The following SPAG9 variants were observed in gnomAD, a reference collection of about 807,000 sequenced individuals.
SPAG9 encodes sperm associated antigen 9.
In SPAG9, 35 loss-of-function variants were observed where a neutral mutation model predicts 166.5. The observed-to-expected ratio is 0.21, with a 90% CI of 0.16 to 0.28. The LOEUF (loss-of-function observed/expected upper bound fraction) is 0.28, where lower values mean the gene tolerates loss of function less well. Ranked by LOEUF, SPAG9 falls within the 10% of genes least tolerant of loss-of-function variation. SPAG9 has a pLI of 1.00. For missense variants in SPAG9, 1,235 were observed against 1,603.3 expected (o/e 0.77, Z 3.92); for synonymous variants, 534 against 565.5 (o/e 0.94, Z 0.79).
intron 2 of SPAG9, among the ~76,000 whole-genome samples, chr17:51,077,033 T>TATCTAGCTAGCTATCTAGCTATCTAG (rs1568065402): frequency 1.1e-5 from 1 of 94,488 alleles, no homozygotes; most frequent in East Asian, 2.8e-4. Flanking sequence ...TAGCTATCTA[T>TATCTAGCTAGCTATCTAGCTATCTAG]CTAGCTATCT....
chr17:50,992,236 T>G (rs1975639465), intron 19 of SPAG9, among the ~76,000 whole-genome samples: 1 of 152,148 alleles, frequency 6.6e-6, no homozygotes, highest in South Asian at 2.1e-4. Flanking sequence ...TATGTTTTTA[T>G]GAATGTGCCT....
chr17:51,090,727 G>A (rs2048442061), intron 1 of SPAG9, among the ~76,000 whole-genome samples: 1 of 152,144 alleles, frequency 6.6e-6, no homozygotes, highest in African/African-American at 2.4e-5. Context: ...TCACCTAATT[G>A]AGGTTAAGGC....
In SPAG9 at chr17:50,993,770, C is replaced by T; in HGVS notation, c.2392G>A (p.Val798Met). The T allele has an allele frequency of 6.2e-7, 1 of 1,613,904 alleles. No homozygotes were observed. The highest frequency in any genetic ancestry group is 8.5e-7 in the Non-Finnish European group (1 of 1,179,826). ...CNSHVLCIAS[V>M]PGARETDYPA... ...ACGCATGACTCACTCTTACCTGGCA[C>T]ACTTGCAATGCACAGAACATGAGAG... Residue 798 changes from valine (V) to methionine (M), a missense_variant, in exon 19 of 30, where the codon GTG (valine) becomes ATG (methionine). By Grantham distance (21) the Val-to-Met change is conservative (BLOSUM62 1). Transcript: ENST00000262013.
intron 1 of SPAG9, among the ~76,000 whole-genome samples, chr17:51,105,909 T>C (rs1321020599): frequency 6.6e-6 from 1 of 151,550 alleles, no homozygotes; most frequent in Non-Finnish European, 1.5e-5. Context: ...GCTTAACCTT[T>C]ATTAACTTGT....
At chr17:51,096,038 G>GATATATATATATAGTGAT (rs1555659855) in intron 1 of SPAG9, among the ~76,000 whole-genome samples, 1,710 of 92,408 alleles carry the variant, frequency 0.019, 91 homozygotes, top group Non-Finnish European at 0.027. Flanking sequence ...TATATATAGT[G>GATATATATATATAGTGAT]ATATATATAT....
chr17:51,090,207 A>G (rs1568078058), intron 1 of SPAG9, among the ~76,000 whole-genome samples: 1 of 152,142 alleles, frequency 6.6e-6, no homozygotes, highest in Non-Finnish European at 1.5e-5. Context: ...CTGATTCACA[A>G]AGCGAGTAAA....
chr17:51,013,790 A>C (rs2045585358), intron 9 of SPAG9, among the ~76,000 whole-genome samples: 1 of 152,232 alleles, frequency 6.6e-6, no homozygotes, highest in Non-Finnish European at 1.5e-5. Context: ...GAGAAAACTT[A>C]GAAAAATCAA....
At chr17:51,001,941 T>G (rs2044971022) in intron 12 of SPAG9, 96 bp from the exon 13 acceptor site, 2 of 1,173,888 alleles carry the variant, frequency 1.7e-6, no homozygotes, top group African/African-American at 1.6e-5. Flanking sequence ...TTTTAAGCAT[T>G]CCTTAATTTT....
chr17:51,048,851 T>A (rs1171677272), intron 3 of SPAG9, among the ~76,000 whole-genome samples: 1 of 152,162 alleles, frequency 6.6e-6, no homozygotes, highest in African/African-American at 2.4e-5. Context: ...ATCACATGAA[T>A]ATAGTATCTT....
intron 2 of SPAG9, among the ~76,000 whole-genome samples, chr17:51,074,808 A>G (rs1440980010): frequency 6.6e-6 from 1 of 152,162 alleles, no homozygotes; most frequent in Non-Finnish European, 1.5e-5. Context: ...ATTCCAAAAA[A>G]GGTATGACTC....
Position 50,966,214 on chromosome 17 carries a change from G to C in SPAG9, c.*58C>G. 2.0e-6 allele frequency: 2 copies of C among 1,011,880 alleles called. No individual in the cohort carries two copies. Among genetic ancestry groups the C allele is most frequent in the South Asian group, 2.5e-5 (2 of 79,040 alleles). 62.7% of individuals were successfully genotyped at this position (1,011,880 alleles called of 1,614,324 possible). The stretch of plus-strand genomic sequence containing the variant: ...AAAGAGCATTAAATAAAAGGATAGA[G>C]GGAAAATAAACCATGCAGAAGAGAC... On this transcript the variant is annotated 3_prime_UTR_variant, in exon 30 of 30. Coordinates refer to ENST00000262013, the MANE Select transcript of SPAG9 (RefSeq NM_001130528.3).
Position 50,970,796 on chromosome 17 carries a change from C to T in SPAG9, c.3761G>A (p.Gly1254Glu). The change falls in exon 29 of 30, where the codon GGG becomes GAG. Residue 1254 changes from glycine to glutamate, a missense_variant. Around this residue, in one of 6 missense-constraint regions of SPAG9, gnomAD observed 243 missense variants for 358.6 expected, o/e 0.68. Coordinates refer to ENST00000262013, the MANE Select transcript of SPAG9 (RefSeq NM_001130528.3). ...ACTACCAGGCTCCTGTGCAGATGGC[C>T]CTGCTTTGTCACCCGTCAGATCCGT... The part of the protein sequence containing the change: ...SGTDLTGDKA[G>E]PSAQEPGSQT... The T allele has an allele frequency of 1.2e-6, 2 of 1,614,082 alleles. No homozygotes were observed. Among genetic ancestry groups the T allele is most frequent in the Non-Finnish European group, 1.7e-6 (2 of 1,179,982 alleles).
intron 15 of SPAG9, among the ~76,000 whole-genome samples, chr17:50,997,542 A>T (rs1439080503): frequency 6.6e-6 from 1 of 152,252 alleles, no homozygotes; most frequent in East Asian, 1.9e-4. Flanking sequence ...AAATATTATT[A>T]AAATGATTTT....
chr17:51,074,860 G>A (rs2047921818), intron 2 of SPAG9, among the ~76,000 whole-genome samples: 1 of 151,890 alleles, frequency 6.6e-6, no homozygotes, highest in African/African-American at 2.4e-5. Context: ...AAAAAAAATT[G>A]ACATACTCAA....
chr17:51,053,616 C>T (rs1378221196), intron 3 of SPAG9, among the ~76,000 whole-genome samples: 2 of 151,106 alleles, frequency 1.3e-5, no homozygotes, highest in East Asian at 2.0e-4. Flanking sequence ...ACCCAGGAGG[C>T]GGAGGTTGCA....
intron 1 of SPAG9, among the ~76,000 whole-genome samples, chr17:51,084,998 G>A (rs1289434572): frequency 6.6e-6 from 1 of 151,984 alleles, no homozygotes; most frequent in East Asian, 1.9e-4. Flanking sequence ...TTACAGGCAT[G>A]AGCCACCATG....
chr17:51,109,968 T>TC (rs1317521044), intron 1 of SPAG9, among the ~76,000 whole-genome samples: 1 of 152,124 alleles, frequency 6.6e-6, no homozygotes, highest in Non-Finnish European at 1.5e-5. Context: ...CACCTCAGCC[T>TC]CCCAAAGTGC....
At chr17:51,119,524 C>G (rs1001474) in intron 1 of SPAG9, among the ~76,000 whole-genome samples, 7,003 of 152,174 alleles carry the variant, frequency 0.046, 533 homozygotes, top group African/African-American at 0.16. Context: ...GTGAGGGCGC[C>G]CAGGTCACTG....
intron 1 of SPAG9, chr17:51,085,389 A>G (rs2048279792): frequency 6.6e-6 from 1 of 152,216 alleles, no homozygotes; most frequent in Admixed American, 6.5e-5. Context: ...AGAATACGAC[A>G]ATTCCAAAAA....
Sources: allele counts gnomAD v4.1 joint callset (sites outside exome capture counted in the v4.1 genomes callset), GRCh38; gene constraint gnomAD v4.1.1; regional missense constraint gnomAD v4.1.1; transcripts MANE v1.5; gene names NCBI Gene and HGNC (gene_info 2026-07-23, HGNC 2026-07-21).